Variants in EWSR1 observed in about 807,000 individuals in gnomAD.
The protein encoded by EWSR1 is EWS RNA binding protein 1.
EWSR1 carries 14 observed loss-of-function variants against 92.1 expected under a neutral mutation model. The ratio of observed to expected loss-of-function variants is 0.15; its 90% CI spans 0.10 to 0.24. The LOEUF (loss-of-function observed/expected upper bound fraction) is 0.24, where lower values mean the gene tolerates loss of function less well. Among genes scored for constraint, EWSR1 ranks in the 10% least tolerant of loss-of-function variants. The pLI is 1.00. For missense variants in EWSR1, 637 were observed against 870.9 expected, an observed-to-expected ratio of 0.73 and a Z score of 3.38; for synonymous variants, 303 against 292.9, an observed-to-expected ratio of 1.03 and a Z score of -0.35.
In EWSR1 at chr22:29,300,440, G is replaced by GAGGGCCTCTTAA. The variant is rs984616470; in HGVS notation, c.*280_*291dup. On this transcript the variant is annotated 3_prime_UTR_variant, in exon 17 of 17. Transcript: ENST00000397938. ...GCTCAGTATCATTGTGGAGAACCAAGAGGGCCTCTTAACTGTAACAATGTT... is the reference window on the plus strand; with the variant it reads ...GCTCAGTATCATTGTGGAGAACCAAGAGGGCCTCTTAAAGGGCCTCTTAACTGTAACAATGTT... The GAGGGCCTCTTAA allele has an allele frequency of 8.6e-6, 3 of 347,016 alleles. No homozygotes were observed. The highest frequency in any genetic ancestry group is 1.6e-5 in the Non-Finnish European group (3 of 193,380). The allele number at this position is 347,016 out of a possible 1,614,324, so 21.5% of individuals were successfully genotyped here. A position where few individuals can be genotyped will look rare whatever the true frequency, so the allele number is the denominator to read the frequency against.
intron 6 of EWSR1, among the ~76,000 whole-genome samples, chr22:29,283,132 C>T (rs2059745394): frequency 6.6e-6 from 1 of 152,122 alleles, no homozygotes; most frequent in Non-Finnish European, 1.5e-5. Context: ...AAGTTTCTTC[C>T]TTTTGCTGTT....
rs369222077 is a variant in EWSR1, at chr22:29,297,810, C to G, written c.1295-17C>G. ...GGAGTACAGGGGAGTAATTGATGTT[C>G]TGTTGTCTTGTTCCAGGGAAAGATT... On this transcript the variant is annotated splice_polypyrimidine_tract_variant and intron_variant, in intron 12 of 16. Transcript: ENST00000397938. 1.5e-5 allele frequency: 24 copies of G among 1,613,302 alleles called. No homozygotes were observed. Among genetic ancestry groups the G allele is most frequent in the Non-Finnish European group, 1.9e-5 (22 of 1,179,768 alleles).
intron 15 of EWSR1, 115 bp downstream of exon 15, chr22:29,299,446 T>C: frequency 6.7e-7 from 1 of 1,494,496 alleles, no homozygotes; most frequent in Non-Finnish European, 8.9e-7. Flanking sequence ...AGTTGTCGTG[T>C]CCTCATTTCT....
At chr22:29,275,675 A>G (rs1264123855) in intron 4 of EWSR1, 1 of 229,496 alleles carries the variant, frequency 4.4e-6, no homozygotes, top group African/African-American at 2.2e-5. Context: ...GCCTTTACAC[A>G]TGAAAGTTAT....
At chr22:29,279,365 A>T (rs1001145108) in intron 5 of EWSR1, among the ~76,000 whole-genome samples, 1 of 152,218 alleles carries the variant, frequency 6.6e-6, no homozygotes, top group Non-Finnish European at 1.5e-5. Context: ...TATTCAAGAA[A>T]TCAAACATTA....
At chr22:29,291,633 A>T (rs778585025) in intron 9 of EWSR1, 34 bp downstream of exon 9, 193 of 1,494,422 alleles carry the variant, frequency 1.3e-4, no homozygotes, top group Non-Finnish European at 1.6e-4. Context: ...GATAGTGTTT[A>T]AAAAAAAATG....
In EWSR1 at chr22:29,300,431, G is replaced by C; in HGVS notation, c.*270G>C. 1 of 367,428 alleles carries C rather than the reference G, an allele frequency of 2.7e-6. No homozygotes were observed. Among genetic ancestry groups the C allele is most frequent in the Admixed American group, 4.4e-5 (1 of 22,934 alleles). 22.8% of individuals were successfully genotyped at this position (367,428 alleles called of 1,614,324 possible). A position where few individuals can be genotyped will look rare whatever the true frequency, so the allele number is the denominator to read the frequency against. On this transcript the variant is annotated 3_prime_UTR_variant, in exon 17 of 17. Transcript: ENST00000397938. ...TGTGAGCATGCTCAGTATCATTGTG[G>C]AGAACCAAGAGGGCCTCTTAACTGT... is the stretch of plus-strand genomic sequence containing the variant.
intron 12 of EWSR1, among the ~76,000 whole-genome samples, chr22:29,296,638 A>G (rs1311873871): frequency 6.6e-6 from 1 of 152,262 alleles, no homozygotes; most frequent in Middle Eastern, 3.2e-3. Flanking sequence ...AAACCCTTCA[A>G]AAGAACATCT....
At chr22:29,276,172 CG>C (rs2059108929) in intron 4 of EWSR1, 1 of 230,528 alleles carries the variant, frequency 4.3e-6, no homozygotes, top group Non-Finnish European at 8.6e-6. Context: ...ATCTTATAGA[CG>C]TGTCATGTAG....
At chr22:29,285,056 T>A (rs1307824843) in intron 6 of EWSR1, among the ~76,000 whole-genome samples, 1 of 150,774 alleles carries the variant, frequency 6.6e-6, no homozygotes. Context: ...TGACCTCAGG[T>A]GATCCACCCG....
In EWSR1 at chr22:29,273,752, A is replaced by G. The variant is rs1195410690; in HGVS notation, c.114A>G (p.Gln38=). Residue 38 remains glutamine, a synonymous_variant, in exon 4 of 17, where the codon CAA becomes CAG. Transcript: ENST00000397938. ...TTTTTTTGGAGCAGGCATATGGGCA[A>G]CAAAGCTATGGAACCTATGGACAGC... ...GYAQTTQAYG[Q]QSYGTYGQPT... The G allele has an allele frequency of 4.3e-6, 7 of 1,612,928 alleles. No homozygotes were observed. The highest frequency in any genetic ancestry group is 1.7e-4 in the Middle Eastern group (1 of 5,720).
chr22:29,279,477 A>G (rs564237900), intron 5 of EWSR1, among the ~76,000 whole-genome samples: 10 of 152,386 alleles, frequency 6.6e-5, no homozygotes, highest in African/African-American at 2.4e-4. Context: ...ACCCTGCTAT[A>G]GGATGAGCAG....
At chr22:29,276,649 A>G (rs1261340058) in intron 4 of EWSR1, 3 of 227,790 alleles carry the variant, frequency 1.3e-5, no homozygotes, top group Non-Finnish European at 2.6e-5. Context: ...TTGGATATAA[A>G]TGCCAGCACC....
rs781441057 is a variant in EWSR1, at chr22:29,299,855, A to C, written c.1931+4A>C. ...GAGGACCTGGAAAAATGGATAAGTA[A>C]GTGCTGGTGAAAAGCAGCTGTGGGC... On this transcript the variant is annotated splice_donor_region_variant and intron_variant, in intron 16 of 16. Transcript: ENST00000397938. 45 of 1,537,676 alleles carry C rather than the reference A, an allele frequency of 2.9e-5. No individual in the cohort carries two copies. The highest frequency in any genetic ancestry group is 6.8e-5 in the East Asian group (3 of 44,048).
At chr22:29,290,913 A>G (rs1052299511) in intron 8 of EWSR1, 3 of 243,784 alleles carry the variant, frequency 1.2e-5, no homozygotes, top group Non-Finnish European at 2.4e-5. Flanking sequence ...GGCCATAGTC[A>G]TTATTCTAAC....
intron 7 of EWSR1, 79 bp downstream of exon 7, chr22:29,287,213 T>C: frequency 7.1e-7 from 1 of 1,409,040 alleles, no homozygotes; most frequent in Admixed American, 2.0e-5. Flanking sequence ...TTTTGTTGGT[T>C]TGTTTTTCTT....
rs2061097398 is a variant in EWSR1, at chr22:29,298,819, C to T, written c.1504C>T (p.Pro502Ser). ...TAGAGGAGGCTTCCCTCCAAGAGGA[C>T]CCCGGGGTTCCCGAGGGAACCCCTC... ...GDRGGFPPRG[P>S]RGSRGNPSGG... Residue 502 changes from proline to serine, a missense_variant, in exon 14 of 17, where the codon CCC becomes TCC. Around this residue, in one of 5 missense-constraint regions of EWSR1, gnomAD observed 363 missense variants for 447.8 expected, o/e 0.81. Coordinates refer to ENST00000397938, the MANE Select transcript of EWSR1 (RefSeq NM_005243.4). 6.2e-7 allele frequency: 1 copy of T among 1,601,266 alleles called. No homozygotes were observed. Among genetic ancestry groups the T allele is most frequent in the Middle Eastern group, 1.7e-4 (1 of 5,960 alleles).
chr22:29,273,061 A>G (rs956041365), intron 3 of EWSR1, among the ~76,000 whole-genome samples: 1 of 152,258 alleles, frequency 6.6e-6, no homozygotes, highest in African/African-American at 2.4e-5. Context: ...GATCTTACAT[A>G]ACTGGTCATT....
At chr22:29,299,179 T>TGTTTATCTTC in intron 14 of EWSR1, 55 bp from the exon 15 acceptor site, 1 of 1,613,792 alleles carries the variant, frequency 6.2e-7, no homozygotes, top group Non-Finnish European at 8.5e-7. Context: ...CACCTTTCCT[T>TGTTTATCTTC]GTTTATCTTC....
Sources: allele counts gnomAD v4.1 joint callset (sites outside exome capture counted in the v4.1 genomes callset), GRCh38; gene constraint gnomAD v4.1.1; regional missense constraint gnomAD v4.1.1; transcripts MANE v1.5; gene names NCBI Gene and HGNC (gene_info 2026-07-23, HGNC 2026-07-21).